ANAPC4: variants seen among roughly 807,000 people sequenced by gnomAD.
The protein encoded by ANAPC4 is anaphase promoting complex subunit 4, also known as anaphase-promoting complex subunit 4.
ANAPC4 carries 63 observed loss-of-function variants against 119.8 expected under a neutral mutation model. The ratio of observed to expected loss-of-function variants is 0.53; its 90% CI spans 0.43 to 0.65. The LOEUF (loss-of-function observed/expected upper bound fraction) is 0.65, where lower values mean the gene tolerates loss of function less well. Among genes scored for constraint, ANAPC4 ranks in the 30% least tolerant of loss-of-function variants. The pLI, the probability that ANAPC4 is intolerant of heterozygous loss-of-function variation, is 0.00. For synonymous variants in ANAPC4, 283 were observed against 318.6 expected (o/e 0.89, Z 1.19); for missense variants, 716 against 945.1 (o/e 0.76, Z 3.18).
intron 20 of ANAPC4, among the ~76,000 whole-genome samples, chr4:25,407,848 T>C (rs1723343850): frequency 6.6e-6 from 1 of 151,898 alleles, no homozygotes; most frequent in African/African-American, 2.4e-5. Flanking sequence ...TGAGCCAAGA[T>C]TGCATCACTG....
At chr4:25,394,614 G>T in intron 12 of ANAPC4, 57 bp from the exon 13 acceptor site, 1 of 1,495,762 alleles carries the variant, frequency 6.7e-7, no homozygotes, top group South Asian at 1.3e-5. Flanking sequence ...AGTTGTAAGT[G>T]ATGCATTCAG....
rs1721452963 is a variant in ANAPC4, at chr4:25,377,324, T to G, written c.-31T>G. On this transcript the variant is annotated 5_prime_UTR_variant, in exon 1 of 29. Transcript: ENST00000315368. ...AGAGGCCACTGGGGCCGTGTTAGTCTGCCGGTGGGGACTCTTGCAGGTACA... is the reference window on the plus strand; with the variant it reads ...AGAGGCCACTGGGGCCGTGTTAGTCGGCCGGTGGGGACTCTTGCAGGTACA... 4 of 1,486,690 alleles carry G rather than the reference T, an allele frequency of 2.7e-6. No individual in the cohort carries two copies. Among genetic ancestry groups the G allele is most frequent in the Non-Finnish European group, 3.6e-6 (4 of 1,106,360 alleles). 92.1% of individuals were successfully genotyped at this position (1,486,690 alleles called of 1,614,324 possible). A position where few individuals can be genotyped will look rare whatever the true frequency, so the allele number is the denominator to read the frequency against.
rs1343212643 is a variant in ANAPC4 at position 25,405,653 on chromosome 4, C to T, written c.1317+34C>T. On this transcript the variant is annotated intron_variant, in intron 18 of 28. Transcript: ENST00000315368. The surrounding 1 kb of genome is among the most constrained non-coding windows in gnomAD (Gnocchi z 4.6). Reference sequence around the variant, plus strand: ...TACTAGTGCATTTTCACAGTGTTCACATTGTCCTGCTTGAACTCAGCTGTG... The same window carrying T: ...TACTAGTGCATTTTCACAGTGTTCATATTGTCCTGCTTGAACTCAGCTGTG... 3.1e-6 allele frequency: 5 copies of T among 1,605,670 alleles called. No homozygotes were observed. The highest frequency in any genetic ancestry group is 2.7e-5 in the African/African-American group (2 of 74,860).
chr4:25,415,601 G>T, intron 26 of ANAPC4, 61 bp downstream of exon 26: 1 of 1,451,280 alleles, frequency 6.9e-7, no homozygotes. Flanking sequence ...ATATGTTTAG[G>T]AATAGGATCA....
intron 4 of ANAPC4, among the ~76,000 whole-genome samples, chr4:25,383,611 A>G (rs1222579283): frequency 2.0e-5 from 3 of 152,034 alleles, no homozygotes; most frequent in Admixed American, 1.3e-4. Context: ...GCTTGGTTCC[A>G]GACCACTGCA....
At chr4:25,399,973 C>T (rs993167697) in intron 16 of ANAPC4, among the ~76,000 whole-genome samples, 3 of 152,070 alleles carry the variant, frequency 2.0e-5, no homozygotes, top group African/African-American at 7.2e-5. Flanking sequence ...TTGACAGATG[C>T]TAAGTCAAGC....
Position 25,417,629 on chromosome 4 carries a change from T to C in ANAPC4, c.2089T>C (p.Cys697Arg). The C allele has an allele frequency of 6.2e-7, 1 of 1,610,490 alleles. No individual in the cohort carries two copies. Among genetic ancestry groups the C allele is most frequent in the Non-Finnish European group, 8.5e-7 (1 of 1,178,800 alleles). ...GTYSTRLDEQ[C>R]SAIPTRTMHF... ...TTCCCTCTTTAGGCTAGATGAACAGTGTAGTGCTATTCCCACCCGTACCAT... is the reference window on the plus strand; with the variant it reads ...TTCCCTCTTTAGGCTAGATGAACAGCGTAGTGCTATTCCCACCCGTACCAT... Residue 697 changes from cysteine to arginine, a missense_variant, in exon 28 of 29, where the codon TGT becomes CGT. Cys to Arg is a radical substitution (Grantham distance 180). This residue lies in a region of ANAPC4 where 504 missense variants were observed against 615.8 expected (regional missense o/e 0.82). Transcript: ENST00000315368.
At chr4:25,394,185 A>T (rs1722508673) in intron 11 of ANAPC4, 125 bp from the exon 12 acceptor site, 2 of 811,082 alleles carry the variant, frequency 2.5e-6, no homozygotes, top group Non-Finnish European at 1.9e-6. Context: ...TGTTCAGATG[A>T]TCACTTTATG....
rs117596090 is a variant in ANAPC4, at chr4:25,385,711, C to T, written c.368+2318C>T. On this transcript the variant is annotated intron_variant, in intron 4 of 28. Transcript: ENST00000315368. ...CTTTTGGCCTAATCTTGGTTTTCAA[C>T]GTGCCTTCCTCTCTAAGCCTAATCA... 5.9e-5 allele frequency among the ~76,000 whole-genome samples: 9 copies of T among 152,308 alleles called. 1 individual carries two copies. In the East Asian group the frequency reaches 1.7e-3, roughly 29 times the overall value.
intron 14 of ANAPC4, among the ~76,000 whole-genome samples, chr4:25,395,952 T>G (rs555599135): frequency 6.6e-6 from 1 of 152,328 alleles, no homozygotes; most frequent in East Asian, 1.9e-4. Context: ...AATGGAGACC[T>G]TTGTGTGGCC....
intron 1 of ANAPC4, 37 bp downstream of exon 1, chr4:25,377,381 G>C (rs752419950): frequency 5.6e-6 from 9 of 1,607,178 alleles, no homozygotes; most frequent in South Asian, 5.5e-5. Context: ...GGAGAGCCGG[G>C]GGCTCCTGCC....
intron 4 of ANAPC4, among the ~76,000 whole-genome samples, chr4:25,385,610 G>A (rs1406749788): frequency 6.6e-6 from 1 of 152,142 alleles, no homozygotes; most frequent in East Asian, 1.9e-4. Context: ...TGTATTTACT[G>A]GAGTAGCACT....
In ANAPC4 at chr4:25,402,957, T is replaced by C; in HGVS notation, c.1215-14T>C. On this transcript the variant is annotated splice_polypyrimidine_tract_variant and intron_variant, in intron 16 of 28. Coordinates refer to ENST00000315368, the MANE Select transcript of ANAPC4 (RefSeq NM_013367.3). ...ACTAATCTTATTTCTGATTTTTTGTTTTTATCTCTTTAGAGTTATAGATAG... is the reference window on the plus strand; with the variant it reads ...ACTAATCTTATTTCTGATTTTTTGTCTTTATCTCTTTAGAGTTATAGATAG... 1 of 1,511,016 alleles carries C rather than the reference T, an allele frequency of 6.6e-7. No homozygotes were observed. The highest frequency in any genetic ancestry group is 9.1e-7 in the Non-Finnish European group (1 of 1,102,484). The allele number at this position is 1,511,016 out of a possible 1,614,324, so 93.6% of individuals were successfully genotyped here. A position where few individuals can be genotyped will look rare whatever the true frequency, so the allele number is the denominator to read the frequency against.
intron 2 of ANAPC4, 96 bp from the exon 3 acceptor site, chr4:25,380,278 A>G: frequency 2.7e-6 from 2 of 748,560 alleles, no homozygotes; most frequent in Non-Finnish European, 4.4e-6. Context: ...TATATGAGAG[A>G]TGGTCATTTA....
intron 6 of ANAPC4, 40 bp downstream of exon 6, chr4:25,388,783 G>A (rs1247926718): frequency 6.2e-7 from 1 of 1,601,512 alleles, no homozygotes; most frequent in Non-Finnish European, 8.5e-7. Context: ...AAGATAATCT[G>A]CTATTATTTG....
chr4:25,399,426 A>G (rs1199130710), intron 16 of ANAPC4, among the ~76,000 whole-genome samples: 2 of 152,018 alleles, frequency 1.3e-5, no homozygotes, highest in East Asian at 3.8e-4. Flanking sequence ...TAAGAAGCAC[A>G]TCATGTATGT....
chr4:25,413,594 AAGTT>A (rs1376467615), intron 21 of ANAPC4, 47 bp from the exon 22 acceptor site: 17 of 1,395,938 alleles, frequency 1.2e-5, no homozygotes, highest in Non-Finnish European at 1.7e-5. Flanking sequence ...TTCTAATTAT[AAGTT>A]TGCTATAGCT....
intron 19 of ANAPC4, 99 bp from the exon 20 acceptor site, chr4:25,407,098 A>C: frequency 9.6e-7 from 1 of 1,037,776 alleles, no homozygotes; most frequent in South Asian, 1.5e-5. Flanking sequence ...AATAACTGCC[A>C]CTCACAGCTC....
Position 25,414,652 on chromosome 4 carries a change from A to G in ANAPC4, c.1778A>G (p.Asp593Gly), listed in dbSNP as rs1328315594. 1.3e-6 allele frequency: 2 copies of G among 1,551,274 alleles called. No homozygotes were observed. Among genetic ancestry groups the G allele is most frequent in the Non-Finnish European group, 1.8e-6 (2 of 1,140,738 alleles). The change falls in exon 25 of 29, where the codon GAT becomes GGT. Residue 593 changes from aspartate to glycine, a missense_variant. By Grantham distance (94) the Asp-to-Gly change is moderately conservative. Transcript: ENST00000315368. ...LHYLLFTILE[D>G]SLYKMCILRR... ...TATCTTCTTTTTACTATTCTAGAAGATTCACTTTATAAAATGTGCATCTTA... is the reference window on the plus strand; with the variant it reads ...TATCTTCTTTTTACTATTCTAGAAGGTTCACTTTATAAAATGTGCATCTTA...
Sources: gnomAD v4.1 joint callset for allele counts (sites outside exome capture counted in the v4.1 genomes callset) on GRCh38, gnomAD v4.1.1 for gene constraint, gnomAD v4.1.1 regional missense constraint, Gnocchi (gnomAD v3.1) non-coding constraint, MANE v1.5 for transcripts, NCBI Gene and HGNC (gene_info 2026-07-23, HGNC 2026-07-21) for gene names.